DNAH9: variants seen among roughly 807,000 people sequenced by gnomAD.
The protein encoded by DNAH9 is DNAH9 variant protein.
Under a neutral mutation model 471.6 loss-of-function variants are expected in DNAH9, and 345 were observed. That is an observed-to-expected ratio of 0.73 (90% CI 0.67 to 0.80). The LOEUF (loss-of-function observed/expected upper bound fraction) is 0.80, where lower values mean the gene tolerates loss of function less well. DNAH9 is among the 30% of genes least tolerant of loss of function. The pLI, the probability that DNAH9 is intolerant of heterozygous loss-of-function variation, is 0.00. For missense variants in DNAH9, 5,407 were observed against 5,609.2 expected, an observed-to-expected ratio of 0.96 and a Z score of 1.15; for synonymous variants, 2,093 against 2,123.6, an observed-to-expected ratio of 0.99 and a Z score of 0.40.
At chr17:11,707,726 C>T (rs1054808553) in intron 26 of DNAH9, among the ~76,000 whole-genome samples, 1 of 151,664 alleles carries the variant, frequency 6.6e-6, no homozygotes, top group Non-Finnish European at 1.5e-5. Context: ...CTTGGTAGTC[C>T]CCATCAGCCA....
At chr17:11,781,929 A>G (rs1282993241) in intron 39 of DNAH9, among the ~76,000 whole-genome samples, 2 of 151,452 alleles carry the variant, frequency 1.3e-5, no homozygotes, top group African/African-American at 4.9e-5. Flanking sequence ...AGCAGCTCAG[A>G]GGGCTGGATA....
chr17:11,797,656 T>C lies in DNAH9; in HGVS notation c.8283T>C (p.Asn2761=), dbSNP rs772749429. 3.7e-6 allele frequency: 6 copies of C among 1,614,116 alleles called. No individual in the cohort carries two copies. The highest frequency in any genetic ancestry group is 1.7e-4 in the Middle Eastern group (1 of 6,050). ...CGAACCTGTATTGTCACTTTGCAAA[T>C]GGTATTGGGGAGCCCAAATACATGC... ...QSPNLYCHFA[N]GIGEPKYMPV... Residue 2761 remains asparagine (N), a synonymous_variant, in exon 43 of 69, where the codon AAT becomes AAC. Transcript: ENST00000262442.
intron 50 of DNAH9, among the ~76,000 whole-genome samples, chr17:11,862,947 A>G (rs1426563588): frequency 6.6e-6 from 1 of 151,912 alleles, no homozygotes; most frequent in Non-Finnish European, 1.5e-5. Flanking sequence ...TTCTAGATAT[A>G]CAATCATGTC....
At chr17:11,835,852 T>G (rs2150954492) in intron 49 of DNAH9, among the ~76,000 whole-genome samples, 1 of 152,320 alleles carries the variant, frequency 6.6e-6, no homozygotes, top group African/African-American at 2.4e-5. Flanking sequence ...GGCTCACATC[T>G]GGTCCACTGG....
chr17:11,707,440 A>T (rs548679857), intron 26 of DNAH9, among the ~76,000 whole-genome samples: 1 of 152,352 alleles, frequency 6.6e-6, no homozygotes, highest in Admixed American at 6.5e-5. Context: ...TGGAATGAAT[A>T]GGACATGGAA....
At chr17:11,680,465 A>G (rs2074115168) in intron 18 of DNAH9, among the ~76,000 whole-genome samples, 1 of 152,222 alleles carries the variant, frequency 6.6e-6, no homozygotes, top group Non-Finnish European at 1.5e-5. Context: ...TCACAAATTT[A>G]GAGGGCTTAG....
In DNAH9 at chr17:11,773,601, C is replaced by G. The variant is rs118063963; in HGVS notation, c.7552+4272C>G. On this transcript the variant is annotated intron_variant, in intron 38 of 68. Transcript: ENST00000262442. ...ATTTATGCTTATATAAAAACTTAGA[C>G]AATCTCCAGAAGGACACAAAAGAAA... 9.6e-3 allele frequency among the ~76,000 whole-genome samples: 1,453 copies of G among 152,136 alleles called. 9 individuals carry two copies. Among genetic ancestry groups the G allele is most frequent in the Non-Finnish European group, 0.012 (850 of 68,002 alleles).
intron 68 of DNAH9, among the ~76,000 whole-genome samples, chr17:11,966,407 AAG>A (rs949432255): frequency 6.6e-6 from 1 of 152,178 alleles, no homozygotes; most frequent in South Asian, 2.1e-4. Context: ...CAGATTTTTT[AAG>A]AGAGAGAGAC....
rs1319147534 is a variant in DNAH9 at position 11,694,375 on chromosome 17, C to T, written c.4800C>T (p.Ala1600=). 6.2e-7 allele frequency: 1 copy of T among 1,613,682 alleles called. No homozygotes were observed. The highest frequency in any genetic ancestry group is 1.7e-5 in the Admixed American group (1 of 59,956). ...AGTACCTCGACACCAAGAGGCTTGC[C>T]TTCCCGCGGTTTTACTTTCTCTCCT... ...LAEYLDTKRL[A]FPRFYFLSSS... The change falls in exon 22 of 69, where the codon GCC becomes GCT. Residue 1600 remains alanine, a synonymous_variant. Transcript: ENST00000262442.
At chr17:11,667,316 T>C (rs978092910) in intron 15 of DNAH9, among the ~76,000 whole-genome samples, 1 of 152,224 alleles carries the variant, frequency 6.6e-6, no homozygotes, top group Non-Finnish European at 1.5e-5. Context: ...TTATAAACTA[T>C]ACCATCTTAT....
Position 11,969,575 on chromosome 17 carries a change from G to A in DNAH9, c.*48G>A, listed in dbSNP as rs1305171502. On this transcript the variant is annotated 3_prime_UTR_variant, in exon 69 of 69. Transcript: ENST00000262442. ...AATAAAAAAGCTGGGCTTGGAGGCT[G>A]CCTAGAGGGACAGGTGGGTGAAGGG... is the stretch of plus-strand genomic sequence containing the variant. 10 of 1,481,308 alleles carry A rather than the reference G, an allele frequency of 6.8e-6. No individual in the cohort carries two copies. Among genetic ancestry groups the A allele is most frequent in the Non-Finnish European group, 9.1e-6 (10 of 1,103,658 alleles). The allele number at this position is 1,481,308 out of a possible 1,614,324, so 91.8% of individuals were successfully genotyped here. A position where few individuals can be genotyped will look rare whatever the true frequency, so the allele number is the denominator to read the frequency against.
chr17:11,737,964 G>C (rs1346877764), intron 28 of DNAH9, among the ~76,000 whole-genome samples: 1 of 152,210 alleles, frequency 6.6e-6, no homozygotes, highest in South Asian at 2.1e-4. Flanking sequence ...TTTAGGCTAT[G>C]TACTTCACAG....
At chr17:11,690,620 C>G (rs2150754010) in intron 20 of DNAH9, among the ~76,000 whole-genome samples, 184 bp downstream of exon 20, 1 of 150,572 alleles carries the variant, frequency 6.6e-6, no homozygotes, top group African/African-American at 2.4e-5. Context: ...AAAAGAGGGA[C>G]AGTGAAATGC....
At chr17:11,899,825 G>A (rs549337792) in intron 59 of DNAH9, among the ~76,000 whole-genome samples, 66 of 152,222 alleles carry the variant, frequency 4.3e-4, no homozygotes, top group Admixed American at 1.4e-3. Flanking sequence ...CCTCCTGCTG[G>A]CCAGGCAGAT....
chr17:11,810,141 C>T, intron 44 of DNAH9, 105 bp from the exon 45 acceptor site: 1 of 1,373,636 alleles, frequency 7.3e-7, no homozygotes, highest in Non-Finnish European at 9.8e-7. Flanking sequence ...CTTTAATTCC[C>T]ATTCAAGCAG....
intron 6 of DNAH9, among the ~76,000 whole-genome samples, chr17:11,628,779 A>T (rs1476901601): frequency 1.3e-5 from 2 of 152,228 alleles, no homozygotes; most frequent in Admixed American, 1.3e-4. Context: ...GCTACCAATT[A>T]TATAAATAGT....
chr17:11,721,273 T>G (rs2075053654), intron 27 of DNAH9, among the ~76,000 whole-genome samples: 1 of 152,148 alleles, frequency 6.6e-6, no homozygotes, highest in Non-Finnish European at 1.5e-5. Context: ...TTGTTTGTTT[T>G]TTTGTTTTGT....
intron 58 of DNAH9, among the ~76,000 whole-genome samples, chr17:11,893,317 G>T (rs1973117617): frequency 6.6e-6 from 1 of 151,924 alleles, no homozygotes; most frequent in Non-Finnish European, 1.5e-5. Context: ...CCTACTCCAT[G>T]GAACGTCGTC....
At chr17:11,658,976 C>T (rs944031430) in intron 14 of DNAH9, among the ~76,000 whole-genome samples, 5 of 151,976 alleles carry the variant, frequency 3.3e-5, no homozygotes, top group South Asian at 2.1e-4. Flanking sequence ...GTTCTTGTTT[C>T]GGTGTTAAGA....
Sources: gnomAD v4.1 joint callset for allele counts (sites outside exome capture counted in the v4.1 genomes callset) on GRCh38, gnomAD v4.1.1 for gene constraint, MANE v1.5 for transcripts, NCBI Gene and HGNC (gene_info 2026-07-23, HGNC 2026-07-21) for gene names.